CREB5: variants seen among roughly 807,000 people sequenced by gnomAD.
CREB5 encodes the protein cAMP responsive element binding protein 5, also known as cyclic AMP-responsive element-binding protein 5.
Under a neutral mutation model 57.1 loss-of-function variants are expected in CREB5, and 19 were observed. That is an observed-to-expected ratio of 0.33 (90% CI 0.23 to 0.49). The LOEUF is 0.49. CREB5 is among the 20% of genes least tolerant of loss of function. The pLI is 0.99. For synonymous variants in CREB5, 238 were observed against 238.3 expected (o/e 1.00, Z 0.01); for missense variants, 579 against 671.6 (o/e 0.86, Z 1.52).
Position 28,460,320 on chromosome 7 carries a change from T to G in CREB5, c.4-27855T>G, listed in dbSNP as rs138996972. 4.9e-3 allele frequency among the ~76,000 whole-genome samples: 746 copies of G among 152,332 alleles called. 3 individuals are homozygous for G. Among genetic ancestry groups the G allele is most frequent in the African/African-American group, 0.016 (686 of 41,578 alleles). Reference sequence around the variant, plus strand: ...CCTATAAATATAGACATACCATATCTAATTGCTTTACACATGTCATTTTAT... The same window carrying G: ...CCTATAAATATAGACATACCATATCGAATTGCTTTACACATGTCATTTTAT... On this transcript the variant is annotated intron_variant, in intron 1 of 10. Transcript: ENST00000357727.
At chr7:28,735,642 T>G (rs1803931921) in intron 7 of CREB5, among the ~76,000 whole-genome samples, 1 of 152,188 alleles carries the variant, frequency 6.6e-6, no homozygotes, top group South Asian at 2.1e-4. Flanking sequence ...TGTAACCTCC[T>G]TACTAGTGTC....
rs188589672 is a variant in CREB5 at position 28,332,079 on chromosome 7, A to G, written c.-25+32638A>G. Among the ~76,000 whole-genome samples the G allele has an allele frequency of 2.6e-3, 398 of 152,262 alleles. 2 individuals are homozygous for G. The highest frequency in any genetic ancestry group is 9.2e-3 in the African/African-American group (382 of 41,542). On this transcript the variant is annotated intron_variant, in intron 1 of 9. Coordinates refer to the CREB5 transcript ENST00000396299. ...TCAAGGACAAGTGAGTGTCCTTATT[A>G]AAGAAAGGCAAAGGGTATTTGAGAC...
At chr7:28,621,694 G>A (rs1169543949) in intron 5 of CREB5, among the ~76,000 whole-genome samples, 1 of 152,170 alleles carries the variant, frequency 6.6e-6, no homozygotes. Context: ...GTAGCAGAAT[G>A]TGTCTGTGGT....
At chr7:28,759,944 G>A (rs1211589922) in intron 7 of CREB5, among the ~76,000 whole-genome samples, 1 of 152,192 alleles carries the variant, frequency 6.6e-6, no homozygotes, top group Non-Finnish European at 1.5e-5. Context: ...AATGACATGG[G>A]CAGTAAATTA....
At chr7:28,357,537 C>T (rs189941619) in intron 1 of CREB5, among the ~76,000 whole-genome samples, 21 of 151,906 alleles carry the variant, frequency 1.4e-4, no homozygotes, top group East Asian at 3.9e-4. Flanking sequence ...AAATTTTTTT[C>T]GTGGGTCTTT....
chr7:28,495,399 G>A (rs933409402), intron 3 of CREB5, among the ~76,000 whole-genome samples: 3 of 151,986 alleles, frequency 2.0e-5, no homozygotes, highest in Non-Finnish European at 2.9e-5. Flanking sequence ...AAAATTAGCC[G>A]GGCATGGTGG....
At chr7:28,409,744 C>T (rs1380796362), upstream of CREB5, 2 of 363,066 alleles carry the variant, frequency 5.5e-6, no homozygotes, top group African/African-American at 2.2e-5. The surrounding 1 kb of genome is among the most constrained non-coding windows in gnomAD (Gnocchi z 4.4). Context: ...GCGTGAGTGC[C>T]GGAGCGCTCG....
chr7:28,473,505 GAGA>G (rs1260788918), intron 1 of CREB5, among the ~76,000 whole-genome samples: 3 of 152,188 alleles, frequency 2.0e-5, no homozygotes, highest in Admixed American at 6.5e-5. Context: ...TAAGCTCTGT[GAGA>G]ACAGAGGCCT....
Position 28,804,414 on chromosome 7 carries a change from T to C in CREB5, c.918T>C (p.His306=). The C allele has an allele frequency of 6.2e-7, 1 of 1,613,480 alleles. No homozygotes were observed. The change falls in exon 8 of 11, where the codon CAT becomes CAC. Residue 306 remains histidine (H), a synonymous_variant. Transcript: ENST00000357727. Reference sequence around the variant, plus strand: ...CACACCATCCTCACCCTCAACCCCATCACCAGCAGAACCATCCACATCACC... The same window carrying C: ...CACACCATCCTCACCCTCAACCCCACCACCAGCAGAACCATCCACATCACC... ...HPAHHPHPQP[H]HQQNHPHHHS...
At chr7:28,562,325 A>G (rs1175402491) in intron 4 of CREB5, among the ~76,000 whole-genome samples, 1 of 152,242 alleles carries the variant, frequency 6.6e-6, no homozygotes, top group Non-Finnish European at 1.5e-5. Context: ...CTCACAGTCA[A>G]GGGTGGCACC....
intron 1 of CREB5, among the ~76,000 whole-genome samples, chr7:28,369,627 C>T (rs1194258492): frequency 1.3e-5 from 2 of 152,158 alleles, no homozygotes; most frequent in Non-Finnish European, 2.9e-5. Flanking sequence ...TCACCCCATC[C>T]GATTCCCCTG....
Position 28,495,071 on chromosome 7 carries a change from G to T in CREB5, c.169+72G>T, listed in dbSNP as rs567179967. 1.6e-5 allele frequency: 16 copies of T among 1,031,992 alleles called. No individual in the cohort carries two copies. The African/African-American group carries it at 2.1e-4, about 14-fold the overall frequency. 63.9% of individuals were successfully genotyped at this position (1,031,992 alleles called of 1,614,324 possible). A position where few individuals can be genotyped will look rare whatever the true frequency, so the allele number is the denominator to read the frequency against. On this transcript the variant is annotated intron_variant, in intron 3 of 10. Transcript: ENST00000357727. ...CATGCGAGATACTTGTTCTTCTTTTGGTAGGCGAGTCCCACTGGTAAATTG... is the reference window on the plus strand; with the variant it reads ...CATGCGAGATACTTGTTCTTCTTTTTGTAGGCGAGTCCCACTGGTAAATTG...
At chr7:28,719,129 C>T (rs10215178) in intron 6 of CREB5, among the ~76,000 whole-genome samples, 1,766 of 152,230 alleles carry the variant, frequency 0.012, 48 homozygotes, top group African/African-American at 0.04. Context: ...GCCTGTGACA[C>T]CCAGGGAATG....
chr7:28,545,580 G>A (rs1039062427), intron 4 of CREB5, among the ~76,000 whole-genome samples: 1 of 152,032 alleles, frequency 6.6e-6, no homozygotes, highest in Admixed American at 6.5e-5. Context: ...CACACCTACC[G>A]CTTCTTTAAG....
At chr7:28,434,743 G>C (rs1355541107) in intron 1 of CREB5, among the ~76,000 whole-genome samples, 2 of 152,156 alleles carry the variant, frequency 1.3e-5, no homozygotes, top group Admixed American at 6.6e-5. Context: ...CAGCAGGAAA[G>C]TCATATGAAT....
At chr7:28,695,196 C>T (rs1221690979) in intron 5 of CREB5, among the ~76,000 whole-genome samples, 3 of 152,166 alleles carry the variant, frequency 2.0e-5, no homozygotes, top group African/African-American at 7.2e-5. Context: ...CATTGCACTA[C>T]AGCCTGGGCC....
intron 5 of CREB5, among the ~76,000 whole-genome samples, chr7:28,694,303 C>T (rs1208506634): frequency 1.3e-5 from 2 of 152,134 alleles, no homozygotes; most frequent in Non-Finnish European, 2.9e-5. Flanking sequence ...AGCATTTTCG[C>T]CTTTAGTTTT....
chr7:28,356,663 G>C (rs976301781), intron 1 of CREB5, among the ~76,000 whole-genome samples: 4 of 152,220 alleles, frequency 2.6e-5, no homozygotes, highest in Non-Finnish European at 5.9e-5. Context: ...TAAAAGTACA[G>C]GTAGATGGCC....
chr7:28,351,843 T>C (rs892116369), intron 1 of CREB5, among the ~76,000 whole-genome samples: 1 of 152,162 alleles, frequency 6.6e-6, no homozygotes, highest in African/African-American at 2.4e-5. Flanking sequence ...ATTTATAGTC[T>C]ACAGTAATAA....
Sources: gnomAD v4.1 joint callset for allele counts (sites outside exome capture counted in the v4.1 genomes callset) on GRCh38, gnomAD v4.1.1 for gene constraint, Gnocchi (gnomAD v3.1) non-coding constraint, MANE v1.5 for transcripts, NCBI Gene and HGNC (gene_info 2026-07-23, HGNC 2026-07-21) for gene names.